Variants in FRMD6 observed in about 807,000 individuals in gnomAD.
The protein encoded by FRMD6 is FERM domain containing 6.
In FRMD6, 37 loss-of-function variants were observed where a neutral mutation model predicts 73.2. The observed-to-expected ratio is 0.51, with a 90% CI of 0.39 to 0.66. FRMD6 has a LOEUF of 0.66. Ranked by LOEUF, FRMD6 falls within the 30% of genes least tolerant of loss-of-function variation. The pLI is 0.00. For synonymous variants in FRMD6, 273 were observed against 282.2 expected, an observed-to-expected ratio of 0.97 and a Z score of 0.33; for missense variants, 714 against 780.5, an observed-to-expected ratio of 0.91 and a Z score of 1.02.
chr14:51,666,700 C>T (rs1893617602), intron 1 of FRMD6, among the ~76,000 whole-genome samples: 4 of 151,992 alleles, frequency 2.6e-5, no homozygotes, highest in African/African-American at 9.7e-5. Context: ...AGTTTTTTCC[C>T]TGAGAACTTA....
the FRMD6 span, among the ~76,000 whole-genome samples, chr14:51,420,232 A>T: frequency 0.013 from 1,964 of 152,302 alleles, 42 homozygotes; most frequent in African/African-American, 0.045. Context: ...TACTTCTATT[A>T]TGTAAAGTCA....
intron 1 of FRMD6, among the ~76,000 whole-genome samples, chr14:51,670,350 A>G (rs10133897): frequency 0.36 from 54,900 of 152,112 alleles, 10,059 homozygotes; most frequent in Middle Eastern, 0.47. Context: ...GATTAAAGGC[A>G]TGAGCCACCG....
the FRMD6 span, among the ~76,000 whole-genome samples, chr14:51,433,939 C>T: frequency 7.9e-5 from 12 of 152,266 alleles, no homozygotes; most frequent in Non-Finnish European, 7.4e-5. Context: ...TATTATAAAA[C>T]GAACTGTACG....
chr14:51,588,297 T>G (rs542088006), intron 2 of FRMD6, among the ~76,000 whole-genome samples: 1 of 152,254 alleles, frequency 6.6e-6, no homozygotes, highest in East Asian at 1.9e-4. Flanking sequence ...TATTATACTT[T>G]AAGTTTTAGG....
intron 1 of FRMD6, among the ~76,000 whole-genome samples, chr14:51,505,829 C>T (rs1883934393): frequency 1.3e-5 from 2 of 152,202 alleles, no homozygotes; most frequent in African/African-American, 4.8e-5. Flanking sequence ...TAACCCCGCA[C>T]TGCCCATGGC....
chr14:51,598,305 C>A (rs531125519), intron 2 of FRMD6, among the ~76,000 whole-genome samples: 2 of 152,146 alleles, frequency 1.3e-5, no homozygotes, highest in Non-Finnish European at 2.9e-5. Flanking sequence ...GCAGAAGCAC[C>A]CCAAGTGTGA....
the FRMD6 span, among the ~76,000 whole-genome samples, chr14:51,460,496 ATGTTTCCTTAAGGT>A: frequency 6.6e-6 from 1 of 152,202 alleles, no homozygotes; most frequent in South Asian, 2.1e-4. Context: ...TGCATAAGTA[ATGTTTCCTTAAGGT>A]AGTTTCCTAA....
chr14:51,474,103 G>T, the FRMD6 span, among the ~76,000 whole-genome samples: 1 of 152,178 alleles, frequency 6.6e-6, no homozygotes, highest in East Asian at 1.9e-4. Flanking sequence ...ATAAGCAGGG[G>T]TTTGAATCCA....
chr14:51,601,691 C>G (rs903146930), intron 2 of FRMD6, among the ~76,000 whole-genome samples: 10 of 152,154 alleles, frequency 6.6e-5, no homozygotes, highest in Non-Finnish European at 1.0e-4. Flanking sequence ...GGATAAAAGG[C>G]TTAAGACCCT....
intron 2 of FRMD6, among the ~76,000 whole-genome samples, chr14:51,614,397 T>C (rs939653119): frequency 6.6e-6 from 1 of 152,194 alleles, no homozygotes; most frequent in Non-Finnish European, 1.5e-5. Flanking sequence ...CTGTCTACTC[T>C]AAAAGATAGA....
chr14:51,493,723 CAT>C (rs1883143401), intron 1 of FRMD6, among the ~76,000 whole-genome samples: 1 of 152,158 alleles, frequency 6.6e-6, no homozygotes, highest in Non-Finnish European at 1.5e-5. Flanking sequence ...AGTTTTCTAT[CAT>C]ATTACTCAGG....
intron 1 of FRMD6, among the ~76,000 whole-genome samples, chr14:51,519,075 A>C (rs997009308): frequency 5.9e-5 from 9 of 152,188 alleles, no homozygotes; most frequent in African/African-American, 2.2e-4. Flanking sequence ...TAAATGATTT[A>C]ATACATGGGA....
intron 1 of FRMD6, among the ~76,000 whole-genome samples, chr14:51,503,363 T>C (rs758281842): frequency 5.3e-5 from 8 of 152,194 alleles, no homozygotes; most frequent in Non-Finnish European, 8.8e-5. Flanking sequence ...TATTTTGAGG[T>C]ATGTTCCTTC....
chr14:51,544,536 T>C (rs1886360635), intron 1 of FRMD6, among the ~76,000 whole-genome samples: 1 of 152,064 alleles, frequency 6.6e-6, no homozygotes, highest in African/African-American at 2.4e-5. Context: ...TGAGGAATTT[T>C]CCTTTGAGAT....
chr14:51,562,820 C>T (rs1296538177), intron 1 of FRMD6, among the ~76,000 whole-genome samples: 2 of 152,122 alleles, frequency 1.3e-5, no homozygotes, highest in Non-Finnish European at 2.9e-5. Flanking sequence ...CACAGGAAAC[C>T]ACCCCAAAAC....
At chr14:51,696,327 T>G (rs922928421) in intron 2 of FRMD6, among the ~76,000 whole-genome samples, 1 of 151,464 alleles carries the variant, frequency 6.6e-6, no homozygotes, top group Admixed American at 6.6e-5. Flanking sequence ...GCAGAATTAC[T>G]GTCCTCCATA....
At chr14:51,557,378 G>A (rs1470646609) in intron 1 of FRMD6, among the ~76,000 whole-genome samples, 1 of 152,046 alleles carries the variant, frequency 6.6e-6, no homozygotes, top group African/African-American at 2.4e-5. Context: ...TATGCTAAGT[G>A]GTATAAGCCA....
intron 1 of FRMD6, among the ~76,000 whole-genome samples, chr14:51,537,956 G>T (rs8019340): frequency 2.0e-5 from 3 of 152,082 alleles, no homozygotes; most frequent in Non-Finnish European, 4.4e-5. Context: ...TCTGTGGCTT[G>T]TCTTTTTGTT....
intron 2 of FRMD6, among the ~76,000 whole-genome samples, chr14:51,588,868 T>A (rs1316803599): frequency 6.6e-6 from 1 of 152,208 alleles, no homozygotes; most frequent in Non-Finnish European, 1.5e-5. Flanking sequence ...ACATGAACAG[T>A]GTGGCTTGGT....
Sources: gnomAD v4.1 joint callset for allele counts (sites outside exome capture counted in the v4.1 genomes callset) on GRCh38, gnomAD v4.1.1 for gene constraint, MANE v1.5 for transcripts, NCBI Gene and HGNC (gene_info 2026-07-23, HGNC 2026-07-21) for gene names.